The following CATSPER3 variants were observed in gnomAD, a reference collection of about 807,000 sequenced individuals.
CATSPER3 encodes cation channel sperm-associated protein 3.
A neutral mutation model predicts 36.6 loss-of-function variants in CATSPER3; 23 were observed. The ratio of observed to expected loss-of-function variants is 0.63; its 90% CI spans 0.45 to 0.89. The LOEUF (loss-of-function observed/expected upper bound fraction) is 0.89. CATSPER3 is among the 40% of genes least tolerant of loss of function. The pLI is 0.00. For missense variants in CATSPER3, 474 were observed against 503.9 expected (o/e 0.94, Z 0.57); for synonymous variants, 172 against 184.1 (o/e 0.93, Z 0.53).
At chr5:134,995,440 TCTC>T (rs1751933151) in intron 2 of CATSPER3, among the ~76,000 whole-genome samples, 1 of 152,212 alleles carries the variant, frequency 6.6e-6, no homozygotes, top group African/African-American at 2.4e-5. Context: ...GACTTCCTCT[TCTC>T]CTCCAACCTG....
intron 2 of CATSPER3, among the ~76,000 whole-genome samples, chr5:134,994,431 GAAC>G (rs1343307472): frequency 2.0e-5 from 3 of 152,180 alleles, no homozygotes; most frequent in Admixed American, 2.0e-4. Flanking sequence ...CAAAGATGTA[GAAC>G]AAGAGGAACA....
At chr5:134,988,674 C>G (rs955723896) in intron 2 of CATSPER3, among the ~76,000 whole-genome samples, 1 of 152,178 alleles carries the variant, frequency 6.6e-6, no homozygotes, top group Non-Finnish European at 1.5e-5. Context: ...ATTTCTAATT[C>G]TAGTTCACTT....
At chr5:135,009,982 C>T (rs1381398382) in intron 6 of CATSPER3, among the ~76,000 whole-genome samples, 2 of 152,202 alleles carry the variant, frequency 1.3e-5, no homozygotes, top group African/African-American at 4.8e-5. Flanking sequence ...GGTGAATTTT[C>T]CCCCTGAGCC....
At chr5:135,000,520 G>A (rs1436942183) in intron 3 of CATSPER3, among the ~76,000 whole-genome samples, 6 of 152,190 alleles carry the variant, frequency 3.9e-5, no homozygotes. Flanking sequence ...TGTACCTCTG[G>A]TAGAATTTGG....
At chr5:134,992,434 A>G (rs894440327) in intron 2 of CATSPER3, among the ~76,000 whole-genome samples, 1 of 152,140 alleles carries the variant, frequency 6.6e-6, no homozygotes, top group African/African-American at 2.4e-5. Context: ...TAAAAAAAAC[A>G]AAAAATGGGG....
At chr5:134,990,666 ATG>A (rs1751867484) in intron 2 of CATSPER3, among the ~76,000 whole-genome samples, 3 of 152,248 alleles carry the variant, frequency 2.0e-5, no homozygotes, top group African/African-American at 7.2e-5. Context: ...ACACAGAAAC[ATG>A]AAATAAGCAC....
chr5:134,983,453 A>G (rs1412907375), intron 2 of CATSPER3, among the ~76,000 whole-genome samples: 1 of 152,124 alleles, frequency 6.6e-6, no homozygotes, highest in Non-Finnish European at 1.5e-5. Flanking sequence ...GAGAATTGCT[A>G]GAACTCGGTG....
chr5:134,984,082 AC>A (rs1331726214), intron 2 of CATSPER3, among the ~76,000 whole-genome samples: 1 of 152,238 alleles, frequency 6.6e-6, no homozygotes, highest in Non-Finnish European at 1.5e-5. Context: ...CTGGTTAGCC[AC>A]ATGTAGAAGA....
intron 2 of CATSPER3, among the ~76,000 whole-genome samples, chr5:134,994,890 G>A (rs1283953090): frequency 6.6e-6 from 1 of 151,642 alleles, no homozygotes; most frequent in African/African-American, 2.4e-5. Context: ...TGGCTTCAGC[G>A]AGACCTCTGT....
intron 3 of CATSPER3, among the ~76,000 whole-genome samples, chr5:135,007,661 G>C (rs1418008094): frequency 6.6e-6 from 1 of 152,262 alleles, no homozygotes; most frequent in African/African-American, 2.4e-5. Flanking sequence ...GGTTCAAGTG[G>C]AGTGGTCACC....
chr5:134,978,991 G>T (rs1176141029), intron 2 of CATSPER3, among the ~76,000 whole-genome samples: 1 of 152,058 alleles, frequency 6.6e-6, no homozygotes, highest in Non-Finnish European at 1.5e-5. Context: ...CAAAGTGCTG[G>T]GATTACAGGC....
intron 6 of CATSPER3, among the ~76,000 whole-genome samples, chr5:135,010,007 C>T (rs971113251): frequency 9.2e-5 from 14 of 152,232 alleles, no homozygotes; most frequent in Non-Finnish European, 1.5e-4. Context: ...TGCTCTAAGC[C>T]TCCCATGCTG....
In CATSPER3 at chr5:134,999,245, A is replaced by T. The variant is rs942937217; in HGVS notation, c.492+2733A>T. On this transcript the variant is annotated intron_variant, in intron 3 of 7. Coordinates refer to ENST00000282611, the MANE Select transcript of CATSPER3 (RefSeq NM_178019.3). The stretch of plus-strand genomic sequence containing the variant: ...TTGTAGTTGTGTGGTATTATTTCTG[A>T]GGGCTCTGTTTTGTTCCATTGGTCT... Among the ~76,000 whole-genome samples the T allele has an allele frequency of 2.0e-5, 3 of 152,170 alleles. No homozygotes were observed. In the South Asian group the frequency reaches 6.2e-4, roughly 32 times the overall value.
At chr5:134,972,749 G>C (rs929601446) in intron 2 of CATSPER3, among the ~76,000 whole-genome samples, 59 of 152,212 alleles carry the variant, frequency 3.9e-4, no homozygotes, top group African/African-American at 1.3e-3. Flanking sequence ...TCCAAGAAAA[G>C]TTACCTGAAA....
chr5:135,008,737 G>A (rs931121075), intron 4 of CATSPER3, 104 bp from the exon 5 acceptor site: 3 of 974,396 alleles, frequency 3.1e-6, no homozygotes, highest in Non-Finnish European at 3.3e-6. Flanking sequence ...TGGAAGCGGA[G>A]CCACCCTTCT....
At chr5:134,984,582 C>A (rs773943764) in intron 2 of CATSPER3, among the ~76,000 whole-genome samples, 2 of 152,122 alleles carry the variant, frequency 1.3e-5, no homozygotes, top group African/African-American at 2.4e-5. Context: ...CCACCTTACC[C>A]CAGCCAGAAT....
chr5:135,005,288 C>G (rs1054960003), intron 3 of CATSPER3, among the ~76,000 whole-genome samples: 5 of 152,152 alleles, frequency 3.3e-5, no homozygotes, highest in African/African-American at 1.2e-4. Flanking sequence ...TTGGCCCTTG[C>G]AGGCATGCAC....
chr5:134,977,028 G>T (rs917478172), intron 2 of CATSPER3, among the ~76,000 whole-genome samples: 1 of 152,216 alleles, frequency 6.6e-6, no homozygotes, highest in Non-Finnish European at 1.5e-5. Context: ...AGGCCCCTGG[G>T]CCTGTTATGA....
chr5:134,974,902 C>G (rs951817427), intron 2 of CATSPER3, among the ~76,000 whole-genome samples: 17 of 151,974 alleles, frequency 1.1e-4, no homozygotes, highest in Non-Finnish European at 1.9e-4. Context: ...GAGCCTAAAC[C>G]CTCTGTTTGC....
Sources: allele counts gnomAD v4.1 joint callset (sites outside exome capture counted in the v4.1 genomes callset), GRCh38; gene constraint gnomAD v4.1.1; transcripts MANE v1.5; gene names NCBI Gene and HGNC (gene_info 2026-07-23, HGNC 2026-07-21).